The following SGCZ variants were observed in gnomAD, a reference collection of about 807,000 sequenced individuals.
SGCZ encodes sarcoglycan zeta.
In SGCZ, 40 loss-of-function variants were observed where a neutral mutation model predicts 41.3. The observed-to-expected ratio is 0.97, with a 90% confidence interval of 0.75 to 1.26. The LOEUF is 1.26. SGCZ is among the 50% of genes most tolerant of loss of function. SGCZ has a pLI of 0.00. For missense variants in SGCZ, 552 were observed against 369.8 expected (o/e 1.49, Z -4.04); for synonymous variants, 206 against 137.5 (o/e 1.50, Z -3.49).
chr8:15,119,170 A>C (rs1807385984), intron 1 of SGCZ, among the ~76,000 whole-genome samples: 1 of 152,198 alleles, frequency 6.6e-6, no homozygotes, highest in Non-Finnish European at 1.5e-5. Flanking sequence ...CAATTGACAG[A>C]AATAGCAATG....
At chr8:14,830,366 G>C (rs372493029) in intron 1 of SGCZ, among the ~76,000 whole-genome samples, 1 of 151,274 alleles carries the variant, frequency 6.6e-6, no homozygotes, top group Non-Finnish European at 1.5e-5. Flanking sequence ...ACATCAATTT[G>C]TTATCTGTCA....
At chr8:14,235,591 C>T (rs1033460959) in intron 4 of SGCZ, among the ~76,000 whole-genome samples, 58 of 152,294 alleles carry the variant, frequency 3.8e-4, no homozygotes, top group African/African-American at 1.4e-3. Flanking sequence ...ACAGTATTTG[C>T]ACTTCACGTA....
rs548608798 is a variant in SGCZ at position 15,015,415 on chromosome 8, C to T, written c.39+222170G>A. Among the ~76,000 whole-genome samples, 7 of 151,778 alleles carry T rather than the reference C, an allele frequency of 4.6e-5. No homozygotes were observed. In the South Asian group the frequency reaches 8.3e-4, roughly 18 times the overall value. ...TACTTTTTGTTACTTGAAACATACA[C>T]GTGGCTGGGCACGGTGGCTCACACT... On this transcript the variant is annotated intron_variant, in intron 1 of 7. Coordinates refer to ENST00000382080, the MANE Select transcript of SGCZ (RefSeq NM_139167.4).
At chr8:15,017,457 G>C (rs1275238034) in intron 1 of SGCZ, among the ~76,000 whole-genome samples, 8 of 152,044 alleles carry the variant, frequency 5.3e-5, no homozygotes, top group African/African-American at 1.9e-4. Flanking sequence ...TTTTCTAGTT[G>C]TTAGGCACCT....
chr8:14,881,722 C>G lies in SGCZ; in HGVS notation c.40-326796G>C, dbSNP rs1563336001. 2.0e-5 allele frequency among the ~76,000 whole-genome samples: 3 copies of G among 152,296 alleles called. No individual in the cohort carries two copies. The South Asian group carries it at 6.2e-4, about 32-fold the overall frequency. ...TCAGGACCTGAACTCAGCTCCAGATCAAGTGTACCTGATAGGTATCAACAG... is the reference window on the plus strand; with the variant it reads ...TCAGGACCTGAACTCAGCTCCAGATGAAGTGTACCTGATAGGTATCAACAG... On this transcript the variant is annotated intron_variant, in intron 1 of 7. Coordinates refer to ENST00000382080, the MANE Select transcript of SGCZ (RefSeq NM_139167.4).
At chr8:14,146,497 G>T (rs1803524338) in intron 5 of SGCZ, among the ~76,000 whole-genome samples, 1 of 152,070 alleles carries the variant, frequency 6.6e-6, no homozygotes, top group African/African-American at 2.4e-5. Context: ...ATCATCTAAA[G>T]GTATACAACT....
intron 1 of SGCZ, among the ~76,000 whole-genome samples, chr8:14,620,374 C>A (rs1451615475): frequency 2.0e-5 from 3 of 152,198 alleles, no homozygotes; most frequent in African/African-American, 7.2e-5. Context: ...AGGTCATAGG[C>A]ATGGAGAAGG....
intron 1 of SGCZ, among the ~76,000 whole-genome samples, chr8:14,947,409 T>C (rs1800487378): frequency 6.6e-6 from 1 of 152,154 alleles, no homozygotes; most frequent in African/African-American, 2.4e-5. Context: ...ATTTGTCCCC[T>C]TATAACTCTT....
chr8:14,151,449 G>C (rs546467871), intron 5 of SGCZ, among the ~76,000 whole-genome samples: 2,479 of 114,938 alleles, frequency 0.022, 35 homozygotes, highest in Non-Finnish European at 0.032. Context: ...AAAAAACTAA[G>C]TAAGTGAAAA....
intron 1 of SGCZ, among the ~76,000 whole-genome samples, chr8:15,139,525 T>C (rs531724627): frequency 2.0e-4 from 31 of 152,306 alleles, no homozygotes; most frequent in Admixed American, 7.2e-4. Context: ...TGTGTATATT[T>C]AAGGTGACAT....
At chr8:14,517,143 C>G (rs1019863196) in intron 2 of SGCZ, among the ~76,000 whole-genome samples, 3 of 151,938 alleles carry the variant, frequency 2.0e-5, no homozygotes, top group Admixed American at 2.0e-4. Context: ...TTAAGTCCTG[C>G]CTTCAGATCA....
chr8:15,093,678 C>T lies in SGCZ; in HGVS notation c.39+143907G>A, dbSNP rs755689883. ...ACATCAACAGAACACGTTTATTGTA[C>T]GTCAAAGTAAAAAAATTACACTTCA... On this transcript the variant is annotated intron_variant, in intron 1 of 7. Coordinates refer to ENST00000382080, the MANE Select transcript of SGCZ (RefSeq NM_139167.4). Among the ~76,000 whole-genome samples, 7 of 152,170 alleles carry T rather than the reference C, an allele frequency of 4.6e-5. No homozygotes were observed. In the South Asian group the frequency reaches 8.3e-4, roughly 18 times the overall value.
chr8:14,550,917 C>G (rs1006154390), intron 2 of SGCZ, among the ~76,000 whole-genome samples: 2 of 151,930 alleles, frequency 1.3e-5, no homozygotes, highest in Non-Finnish European at 2.9e-5. Context: ...GACAATGATA[C>G]TCAATTATTT....
chr8:14,532,610 T>C (rs1355662729), intron 2 of SGCZ, among the ~76,000 whole-genome samples: 1 of 149,874 alleles, frequency 6.7e-6, no homozygotes, highest in Non-Finnish European at 1.5e-5. Context: ...AATGCAAAAA[T>C]GTAAGAGGAA....
At chr8:14,682,182 A>G (rs1585178934) in intron 1 of SGCZ, among the ~76,000 whole-genome samples, 1 of 152,104 alleles carries the variant, frequency 6.6e-6, no homozygotes, top group East Asian at 1.9e-4. Context: ...TTGTTCGACT[A>G]AAGAAATGAT....
At position 14,823,606 on chromosome 8, in the gene SGCZ, G is replaced by A. The variant is rs542719548; in HGVS notation, c.40-268680C>T. On this transcript the variant is annotated intron_variant, in intron 1 of 7. Transcript: ENST00000382080. The stretch of plus-strand genomic sequence containing the variant: ...TGTTAGAGAACTTGTAGAGAGAAGG[G>A]AATATTTACACACTGTTCTTGGGAC... 3.9e-5 allele frequency among the ~76,000 whole-genome samples: 6 copies of A among 152,230 alleles called. No homozygotes were observed. In the East Asian group the frequency reaches 9.7e-4, roughly 24 times the overall value.
At chr8:14,537,141 A>C (rs935136393) in intron 2 of SGCZ, among the ~76,000 whole-genome samples, 1 of 151,808 alleles carries the variant, frequency 6.6e-6, no homozygotes, top group African/African-American at 2.4e-5. Flanking sequence ...AAAGATGTCC[A>C]CTCTGTAAGC....
intron 1 of SGCZ, among the ~76,000 whole-genome samples, chr8:14,915,428 G>T (rs572120911): frequency 4.1e-4 from 63 of 152,052 alleles, no homozygotes; most frequent in Non-Finnish European, 7.6e-4. Context: ...TCCTAACAAT[G>T]AGCAGCTTGT....
intron 1 of SGCZ, among the ~76,000 whole-genome samples, chr8:14,855,047 TTTTATTTA>T (rs755424757): frequency 2.0e-5 from 3 of 151,292 alleles, no homozygotes; most frequent in Non-Finnish European, 4.4e-5. Context: ...ATCTCCATTA[TTTTATTTA>T]TTTATTTATT....
Sources: gnomAD v4.1 joint callset for allele counts (sites outside exome capture counted in the v4.1 genomes callset) on GRCh38, gnomAD v4.1.1 for gene constraint, MANE v1.5 for transcripts, NCBI Gene and HGNC (gene_info 2026-07-23, HGNC 2026-07-21) for gene names.